Variants in PUM1 observed in about 807,000 individuals in gnomAD.
PUM1 encodes the protein pumilio RNA binding family member 1.
PUM1 carries 13 observed loss-of-function variants against 131.8 expected under a neutral mutation model. That is an observed-to-expected ratio of 0.10 (90% CI 0.06 to 0.16). The LOEUF (loss-of-function observed/expected upper bound fraction) is 0.16. Ranked by LOEUF, PUM1 falls within the 10% of genes least tolerant of loss-of-function variation. The pLI is 1.00. For missense variants in PUM1, 961 were observed against 1,512.4 expected, an observed-to-expected ratio of 0.64 and a Z score of 6.05; for synonymous variants, 509 against 556.5, an observed-to-expected ratio of 0.91 and a Z score of 1.20.
At chr1:31,050,772 G>C (rs1234145385) in intron 2 of PUM1, 1 of 154,246 alleles carries the variant, frequency 6.5e-6, no homozygotes, top group Non-Finnish European at 1.5e-5. Context: ...GGAAATACTT[G>C]GGCTCCCTCC....
rs1478298697 is a variant in PUM1 at position 30,974,654 on chromosome 1, C to T, written c.1503G>A (p.Gln501=). 6.2e-7 allele frequency: 1 copy of T among 1,604,652 alleles called. No homozygotes were observed. Residue 501 remains glutamine, a synonymous_variant, in exon 10 of 22, where the codon CAG becomes CAA. Coordinates refer to ENST00000426105, the MANE Select transcript of PUM1 (RefSeq NM_001020658.2). ...QTTPQAQQGQ[Q]QVLRGGASQR... is the part of the protein sequence containing the mutation. The stretch of plus-strand genomic sequence containing the variant: ...GGTAAATTTTGTCTACATTTACCTG[C>T]TGCTGTCCTTGCTGAGCCTGTGGGG...
chr1:30,941,863 C>T (rs1384935926), intron 19 of PUM1, 135 bp downstream of exon 19: 2 of 1,025,064 alleles, frequency 2.0e-6, no homozygotes, highest in Non-Finnish European at 2.8e-6. Context: ...GCTCTGAATA[C>T]AAATACAACC....
chr1:30,941,114 C>G, intron 20 of PUM1, 37 bp downstream of exon 20: 1 of 1,585,702 alleles, frequency 6.3e-7, no homozygotes, highest in Admixed American at 1.7e-5. Context: ...CTAATCCTCT[C>G]TTCTGGGAAA....
At chr1:30,942,170 C>T in intron 18 of PUM1, 47 bp from the exon 19 acceptor site, 2 of 1,274,470 alleles carry the variant, frequency 1.6e-6, no homozygotes, top group Non-Finnish European at 2.1e-6. Flanking sequence ...ACAGTCACCA[C>T]CTTCAATGCT....
intron 6 of PUM1, among the ~76,000 whole-genome samples, chr1:30,993,877 C>T (rs1057055174): frequency 1.3e-5 from 2 of 152,088 alleles, no homozygotes; most frequent in African/African-American, 4.8e-5. Context: ...TCAAGACCAA[C>T]CTAGCAACAT....
In PUM1 at chr1:30,975,517, A is replaced by ATTTT. The variant is rs751510345; in HGVS notation, c.1355-719_1355-716dup. On this transcript the variant is annotated intron_variant, in intron 9 of 21. Transcript: ENST00000426105. ...AGATGCATGCCACTATACCTGACTA[A>ATTTT]TTTTTTTTTTTTTTTTTTTTTTTTT... Among the ~76,000 whole-genome samples, 514 of 84,132 alleles carry ATTTT rather than the reference A, an allele frequency of 6.1e-3. 11 individuals carry two copies. Among genetic ancestry groups the ATTTT allele is most frequent in the African/African-American group, 0.011 (235 of 22,196 alleles). The allele number at this position is 84,132 out of a possible 152,430, so 55.2% of individuals were successfully genotyped here.
chr1:31,054,280 G>T (rs1644183532), intron 2 of PUM1, among the ~76,000 whole-genome samples: 1 of 151,884 alleles, frequency 6.6e-6, no homozygotes, highest in East Asian at 1.9e-4. Context: ...AGCCTAGATG[G>T]TGCCCATTGC....
rs1278690646 is a variant in PUM1 at position 30,964,794 on chromosome 1, G to T, written c.2203C>A (p.Leu735Ile). The T allele has an allele frequency of 6.2e-7, 1 of 1,614,100 alleles. No individual in the cohort carries two copies. Among genetic ancestry groups the T allele is most frequent in the Non-Finnish European group, 8.5e-7 (1 of 1,180,004 alleles). Residue 735 changes from leucine (L) to isoleucine (I), a missense_variant, in exon 14 of 22, where the codon CTT (leucine) becomes ATT (isoleucine). Around this residue, in one of 4 missense-constraint regions of PUM1, gnomAD observed 654 missense variants for 923.9 expected, o/e 0.71. Transcript: ENST00000426105. ...GGTCCAGGAGAGGAGGAAAAGCTAA[G>T]GCCGTTATAAAAACTGTGTCCAATG... Reference protein sequence around the residue: ...TPIGHSFYNGLSFSSSPGPVG... With the variant: ...TPIGHSFYNGISFSSSPGPVG...
chr1:31,037,545 C>G lies in PUM1; in HGVS notation c.364-8681G>C, dbSNP rs575470572. Among the ~76,000 whole-genome samples the G allele has an allele frequency of 1.9e-3, 281 of 151,862 alleles. 1 individual carries two copies. The highest frequency in any genetic ancestry group is 6.4e-3 in the African/African-American group (263 of 41,384). Reference sequence around the variant, plus strand: ...ACCAGCCTGGCCAACATGGTGAAACCCTGCCTCTACTAAAAATACAAAAAA... The same window carrying G: ...ACCAGCCTGGCCAACATGGTGAAACGCTGCCTCTACTAAAAATACAAAAAA... On this transcript the variant is annotated intron_variant, in intron 2 of 21. Transcript: ENST00000426105.
intron 21 of PUM1, among the ~76,000 whole-genome samples, chr1:30,933,642 C>T (rs1639072875): frequency 6.6e-6 from 1 of 152,154 alleles, no homozygotes; most frequent in Admixed American, 6.5e-5. Context: ...CAGGACAACA[C>T]ATGGAGAAAG....
chr1:30,956,857 C>T (rs1469573835), intron 14 of PUM1, among the ~76,000 whole-genome samples: 1 of 152,136 alleles, frequency 6.6e-6, no homozygotes, highest in Non-Finnish European at 1.5e-5. Context: ...CACTGCCCTA[C>T]CACTATACTT....
intron 2 of PUM1, among the ~76,000 whole-genome samples, chr1:31,033,082 G>GACTA (rs1192157749): frequency 6.6e-6 from 1 of 151,704 alleles, no homozygotes; most frequent in Non-Finnish European, 1.5e-5. Flanking sequence ...TATTTTCCTT[G>GACTA]ACTACAGTGT....
chr1:31,026,947 A>C (rs866071111), intron 3 of PUM1, among the ~76,000 whole-genome samples: 266 of 83,196 alleles, frequency 3.2e-3, no homozygotes, highest in African/African-American at 0.02. Context: ...TATACCACAA[A>C]AAAAAAAAAA....
chr1:30,958,664 T>C (rs1640273632), intron 14 of PUM1, among the ~76,000 whole-genome samples: 1 of 152,270 alleles, frequency 6.6e-6, no homozygotes, highest in South Asian at 2.1e-4. Flanking sequence ...TCCCTTACTT[T>C]TTTTCTCTTT....
Position 30,968,259 on chromosome 1 carries a change from G to C in PUM1, c.1645+95C>G, listed in dbSNP as rs201060525. 2.5e-3 allele frequency: 3,831 copies of C among 1,542,870 alleles called. 101 individuals carry two copies. The South Asian group carries it at 0.037, about 15-fold the overall frequency. The stretch of plus-strand genomic sequence containing the variant: ...AGTCCCCAAATCATGACAAGCCTAA[G>C]CAAGGTGAAAGCACTGCTCATTCCC... On this transcript the variant is annotated intron_variant, in intron 11 of 21. Coordinates refer to ENST00000426105, the MANE Select transcript of PUM1 (RefSeq NM_001020658.2).
intron 10 of PUM1, among the ~76,000 whole-genome samples, chr1:30,972,633 G>A (rs896873955): frequency 6.7e-6 from 1 of 150,058 alleles, no homozygotes; most frequent in Non-Finnish European, 1.5e-5. Context: ...AATTAGCCAG[G>A]TGTGGCGGCA....
chr1:30,980,178 C>G lies in PUM1; in HGVS notation c.1253-15G>C. On this transcript the variant is annotated splice_polypyrimidine_tract_variant and intron_variant, in intron 8 of 21. Coordinates refer to ENST00000426105, the MANE Select transcript of PUM1 (RefSeq NM_001020658.2). ...GGGAGCTAAACCTGCTGAAAACATA[C>G]CTGTCAGTAAAAACAAACTTGACTA... is the stretch of plus-strand genomic sequence containing the variant. The G allele has an allele frequency of 6.2e-7, 1 of 1,608,030 alleles. No homozygotes were observed. Among genetic ancestry groups the G allele is most frequent in the South Asian group, 1.1e-5 (1 of 90,614 alleles).
chr1:30,989,343 G>A (rs1429734152), intron 7 of PUM1, among the ~76,000 whole-genome samples: 3 of 151,994 alleles, frequency 2.0e-5, no homozygotes, highest in African/African-American at 4.8e-5. Context: ...AGGCCAAGGC[G>A]GGCAGATCAC....
chr1:31,046,593 C>T (rs1643972886), intron 2 of PUM1, among the ~76,000 whole-genome samples: 1 of 150,184 alleles, frequency 6.7e-6, no homozygotes, highest in African/African-American at 2.4e-5. Flanking sequence ...CTGTAACTTC[C>T]GCCTCCGGGG....
Sources: allele counts gnomAD v4.1 joint callset (sites outside exome capture counted in the v4.1 genomes callset), GRCh38; gene constraint gnomAD v4.1.1; regional missense constraint gnomAD v4.1.1; transcripts MANE v1.5; gene names NCBI Gene and HGNC (gene_info 2026-07-23, HGNC 2026-07-21).